The following NOMO1 variants were observed in gnomAD, a reference collection of about 807,000 sequenced individuals.
NOMO1 encodes nodal modulator 3.
In NOMO1, 40 loss-of-function variants were observed where a neutral mutation model predicts 133.8. That is an observed-to-expected ratio of 0.30 (90% CI 0.23 to 0.39). NOMO1 has a LOEUF of 0.39. Ranked by LOEUF, NOMO1 falls within the 10% of genes least tolerant of loss-of-function variation. NOMO1 has a pLI of 1.00. For synonymous variants in NOMO1, 236 were observed against 570.5 expected (o/e 0.41, Z 8.36); for missense variants, 462 against 1,419.9 (o/e 0.33, Z 10.84).
intron 1 of NOMO1, among the ~76,000 whole-genome samples, chr16:14,836,784 C>T (rs1266394160): frequency 6.7e-6 from 1 of 149,878 alleles, no homozygotes; most frequent in Non-Finnish European, 1.5e-5. Flanking sequence ...CGGCTCACTG[C>T]AAGCTCCGCT....
At position 14,878,891 on chromosome 16, in the gene NOMO1, C is replaced by T; in HGVS notation, c.2757+57C>T. The T allele has an allele frequency of 1.9e-6, 3 of 1,597,514 alleles. No homozygotes were observed. The South Asian group carries it at 3.3e-5, about 18-fold the overall frequency. ...TCTTCCCTGAGAGAGAGCCAGGATG[C>T]AGCATGCGAGACTTACGTGTTGCTT... On this transcript the variant is annotated intron_variant, in intron 23 of 30. Coordinates refer to ENST00000287667, the MANE Select transcript of NOMO1 (RefSeq NM_014287.4).
chr16:14,882,943 G>A (rs1646813501), intron 26 of NOMO1, among the ~76,000 whole-genome samples: 1 of 152,048 alleles, frequency 6.6e-6, no homozygotes, highest in South Asian at 2.1e-4. Context: ...TCATTATTCT[G>A]CAAGTTAAGG....
intron 29 of NOMO1, among the ~76,000 whole-genome samples, chr16:14,889,427 G>T (rs1964375474): frequency 6.6e-6 from 1 of 152,094 alleles, no homozygotes; most frequent in African/African-American, 2.4e-5. Context: ...GGCTACTCGG[G>T]AGGCTGAGGT....
intron 29 of NOMO1, among the ~76,000 whole-genome samples, chr16:14,891,039 C>CA (rs1432853609): frequency 3.2e-5 from 4 of 123,914 alleles, no homozygotes; most frequent in Non-Finnish European, 5.0e-5. Context: ...ATTGCTGAGT[C>CA]AAAGGGTAAA....
intron 11 of NOMO1, among the ~76,000 whole-genome samples, chr16:14,860,645 G>C (rs1897966864): frequency 1.3e-5 from 2 of 151,900 alleles, no homozygotes; most frequent in African/African-American, 4.8e-5. Context: ...GAGGTTACAG[G>C]TTTCTTATTT....
chr16:14,867,176 ATTTTTT>A (rs1174703237), intron 15 of NOMO1, among the ~76,000 whole-genome samples: 23 of 7,474 alleles, frequency 3.1e-3, no homozygotes, highest in South Asian at 9.3e-3. Flanking sequence ...ATATATATAT[ATTTTTT>A]TTTTTTTTTT....
chr16:14,866,843 A>T (rs1412363144), intron 15 of NOMO1, 152 bp downstream of exon 15: 4 of 1,532,088 alleles, frequency 2.6e-6, no homozygotes, highest in Non-Finnish European at 3.5e-6. Flanking sequence ...ACGCATAATC[A>T]GGAAGCATTT....
At chr16:14,891,513 T>C (rs1488311328) in intron 29 of NOMO1, among the ~76,000 whole-genome samples, 1 of 152,094 alleles carries the variant, frequency 6.6e-6, no homozygotes, top group Non-Finnish European at 1.5e-5. Context: ...TCCCAGCTTT[T>C]ACAGGAATTT....
chr16:14,851,256 A>T (rs975493948), intron 6 of NOMO1, among the ~76,000 whole-genome samples: 2 of 151,916 alleles, frequency 1.3e-5, no homozygotes, highest in African/African-American at 4.8e-5. Context: ...GATAATGTTT[A>T]TCCTCCTGGG....
intron 11 of NOMO1, among the ~76,000 whole-genome samples, chr16:14,859,280 G>A (rs1215692563): frequency 1.3e-5 from 2 of 151,912 alleles, no homozygotes; most frequent in African/African-American, 4.8e-5. Context: ...AGGCCACAGT[G>A]ACTCTTTTCT....
At chr16:14,850,028 A>T (rs1963734423) in intron 6 of NOMO1, among the ~76,000 whole-genome samples, 1 of 150,102 alleles carries the variant, frequency 6.7e-6, no homozygotes, top group Admixed American at 6.7e-5. Context: ...CTTCCCAAGG[A>T]TCTGGAACTG....
Position 14,889,295 on chromosome 16 carries a change from G to A in NOMO1, c.3444+80G>A, listed in dbSNP as rs1260581558. 3.1e-6 allele frequency: 5 copies of A among 1,610,426 alleles called. No individual in the cohort carries two copies. The Admixed American group carries it at 6.7e-5, about 22-fold the overall frequency. ...GCCTGTAATCCCAGCACTTTGGGAGGCCAAGGCTGGTGGATCTCTTGAGCC... is the reference window on the plus strand; with the variant it reads ...GCCTGTAATCCCAGCACTTTGGGAGACCAAGGCTGGTGGATCTCTTGAGCC... On this transcript the variant is annotated intron_variant, in intron 29 of 30. Transcript: ENST00000287667.
At chr16:14,873,937 C>G (rs1489288430) in intron 18 of NOMO1, among the ~76,000 whole-genome samples, 1 of 151,672 alleles carries the variant, frequency 6.6e-6, no homozygotes, top group Non-Finnish European at 1.5e-5. Flanking sequence ...GAACCCTAGG[C>G]CCAGCCAATT....
chr16:14,840,511 C>T (rs1175368837), intron 2 of NOMO1, among the ~76,000 whole-genome samples: 1 of 123,704 alleles, frequency 8.1e-6, no homozygotes, highest in Non-Finnish European at 1.7e-5. Flanking sequence ...CGCTTGAACC[C>T]AGGAGACGGA....
At chr16:14,841,469 TTTAGGCTA>T in intron 3 of NOMO1, 62 bp downstream of exon 3, 1 of 599,710 alleles carries the variant, frequency 1.7e-6, no homozygotes, top group East Asian at 2.9e-5. Context: ...CGAATATTAA[TTTAGGCTA>T]GCAGAGTGCA....
intron 26 of NOMO1, among the ~76,000 whole-genome samples, chr16:14,883,982 A>G (rs1964283162): frequency 6.6e-6 from 1 of 150,406 alleles, no homozygotes; most frequent in Non-Finnish European, 1.5e-5. Flanking sequence ...ACGTAGAAAA[A>G]AAATACTGTG....
chr16:14,875,809 G>A (rs1358371550), intron 20 of NOMO1, among the ~76,000 whole-genome samples: 6 of 151,934 alleles, frequency 3.9e-5, no homozygotes, highest in Admixed American at 1.3e-4. Flanking sequence ...TCTGTTGTTC[G>A]GCAGAGCATG....
Position 14,891,577 on chromosome 16 carries a change from C to G in NOMO1, c.3444+2362C>G, listed in dbSNP as rs1156831415. Among the ~76,000 whole-genome samples, 2 of 151,658 alleles carry G rather than the reference C, an allele frequency of 1.3e-5. 1 individual carries two copies. Among genetic ancestry groups the G allele is most frequent in the African/African-American group, 4.9e-5 (2 of 41,168 alleles). On this transcript the variant is annotated intron_variant, in intron 29 of 30. Coordinates refer to ENST00000287667, the MANE Select transcript of NOMO1 (RefSeq NM_014287.4). ...AGTTTCTGTTTTTACATTTAAATCT[C>G]TCTATCCATTTGGAGTTTTTCCTGG...
intron 26 of NOMO1, among the ~76,000 whole-genome samples, 190 bp downstream of exon 26, chr16:14,882,867 G>A (rs948529284): frequency 6.6e-6 from 1 of 152,020 alleles, no homozygotes; most frequent in Non-Finnish European, 1.5e-5. Context: ...CAGCGTTGCT[G>A]TCATGCATCC....
Sources: allele counts gnomAD v4.1 joint callset (sites outside exome capture counted in the v4.1 genomes callset), GRCh38; gene constraint gnomAD v4.1.1; transcripts MANE v1.5; gene names NCBI Gene and HGNC (gene_info 2026-07-23, HGNC 2026-07-21).